Variants in WDR59 observed in about 807,000 individuals in gnomAD.
WDR59 encodes WD repeat domain 59, also known as GATOR2 complex protein WDR59.
In WDR59, 100 loss-of-function variants were observed where a neutral mutation model predicts 131.2. That is an observed-to-expected ratio of 0.76 (90% CI 0.65 to 0.90). The LOEUF (loss-of-function observed/expected upper bound fraction) is 0.90, where lower values mean the gene tolerates loss of function less well. Ranked by LOEUF, WDR59 falls within the 40% of genes least tolerant of loss-of-function variation. The pLI is 0.00. For missense variants in WDR59, 1,203 were observed against 1,262.2 expected (o/e 0.95, Z 0.71); for synonymous variants, 601 against 466.2 (o/e 1.29, Z -3.72).
At chr16:74,899,159 T>A (rs1346591647) in intron 18 of WDR59, among the ~76,000 whole-genome samples, 2 of 152,156 alleles carry the variant, frequency 1.3e-5, no homozygotes, top group Non-Finnish European at 2.9e-5. Flanking sequence ...GAGGTTTTAC[T>A]GTCTACACAA....
At chr16:74,947,623 T>C (rs192243959) in intron 6 of WDR59, among the ~76,000 whole-genome samples, 151 of 152,300 alleles carry the variant, frequency 9.9e-4, no homozygotes, top group African/African-American at 3.5e-3. Context: ...GAGAGACTAT[T>C]GGGGAAATCT....
chr16:74,924,109 A>G, intron 8 of WDR59, 106 bp from the exon 9 acceptor site: 1 of 1,066,418 alleles, frequency 9.4e-7, no homozygotes, highest in Non-Finnish European at 1.4e-6. Flanking sequence ...CTAAAGATAC[A>G]CTTCAACAAC....
intron 8 of WDR59, among the ~76,000 whole-genome samples, chr16:74,929,545 A>T (rs763036609): frequency 6.6e-6 from 1 of 152,238 alleles, no homozygotes; most frequent in Admixed American, 6.5e-5. Flanking sequence ...GCTGGCAAGG[A>T]TGTGGAGAAA....
intron 1 of WDR59, among the ~76,000 whole-genome samples, chr16:74,969,255 AATAT>A (rs914108480): frequency 6.6e-6 from 1 of 151,894 alleles, no homozygotes; most frequent in East Asian, 1.9e-4. Context: ...GCTACTTATA[AATAT>A]ATATATATTA....
chr16:74,907,322 T>G (rs1050160083), intron 17 of WDR59, among the ~76,000 whole-genome samples: 2 of 152,178 alleles, frequency 1.3e-5, no homozygotes, highest in African/African-American at 4.8e-5. Flanking sequence ...AATCCCCACA[T>G]GTCAAGGGAG....
chr16:74,932,017 G>T lies in WDR59; in HGVS notation c.651+6133C>A, dbSNP rs902963907. On this transcript the variant is annotated intron_variant, in intron 8 of 25. Coordinates refer to ENST00000262144, the MANE Select transcript of WDR59 (RefSeq NM_030581.4). ...ATAATTTCAAAATCTTTAAGACCTT[G>T]AACTAATATTAATGAATAACCTTTG... Among the ~76,000 whole-genome samples, 10 of 151,290 alleles carry T rather than the reference G, an allele frequency of 6.6e-5. No individual in the cohort carries two copies. In the East Asian group the frequency reaches 1.9e-3, roughly 29 times the overall value.
intron 18 of WDR59, 78 bp downstream of exon 18, chr16:74,903,869 T>C: frequency 6.7e-7 from 1 of 1,499,600 alleles, no homozygotes; most frequent in Admixed American, 2.2e-5. Context: ...CTAATCTAGC[T>C]GCTGCGCCAG....
chr16:74,891,775 T>C (rs886814326), intron 20 of WDR59, among the ~76,000 whole-genome samples: 1 of 152,146 alleles, frequency 6.6e-6, no homozygotes, highest in African/African-American at 2.4e-5. Flanking sequence ...AGTACAAAAA[T>C]TAGCCGGGTT....
chr16:74,981,274 G>A (rs1446847512), intron 1 of WDR59, among the ~76,000 whole-genome samples: 2 of 151,364 alleles, frequency 1.3e-5, no homozygotes, highest in Non-Finnish European at 2.9e-5. Context: ...TACTTGGGAG[G>A]TTGAGGCAGG....
intron 6 of WDR59, among the ~76,000 whole-genome samples, chr16:74,944,822 A>T (rs2032493448): frequency 6.6e-6 from 1 of 152,160 alleles, no homozygotes; most frequent in Non-Finnish European, 1.5e-5. Flanking sequence ...AAGCAATGAG[A>T]ACAGGCAGGC....
intron 7 of WDR59, 87 bp from the exon 8 acceptor site, chr16:74,938,353 G>T (rs540540875): frequency 6.4e-6 from 6 of 936,936 alleles, no homozygotes; most frequent in Middle Eastern, 2.4e-4. Context: ...TAGTGAGTGA[G>T]GATGCAAAAA....
Position 74,945,392 on chromosome 16 carries a change from G to A in WDR59, c.446-2566C>T, listed in dbSNP as rs564427472. 1.9e-4 allele frequency among the ~76,000 whole-genome samples: 29 copies of A among 152,066 alleles called. No homozygotes were observed. The East Asian group carries it at 4.1e-3, about 21-fold the overall frequency. On this transcript the variant is annotated intron_variant, in intron 6 of 25. Transcript: ENST00000262144. ...CTCGGGAGGCTGAGGCAGGAGAATG[G>A]CGAGAACCTGGGAGGCAGAGCTTGC...
intron 1 of WDR59, among the ~76,000 whole-genome samples, chr16:74,978,546 C>T (rs1368298170): frequency 6.6e-6 from 1 of 152,130 alleles, no homozygotes; most frequent in Non-Finnish European, 1.5e-5. Context: ...AAAGGCTACA[C>T]ATCATATCAC....
chr16:74,883,660 C>T (rs1184403234), intron 25 of WDR59, among the ~76,000 whole-genome samples: 2 of 152,272 alleles, frequency 1.3e-5, no homozygotes, highest in Non-Finnish European at 2.9e-5. Context: ...TTTTCCTCAA[C>T]ACTCATTAGG....
chr16:74,980,273 T>G (rs923049692), intron 1 of WDR59, among the ~76,000 whole-genome samples: 2 of 152,082 alleles, frequency 1.3e-5, no homozygotes, highest in African/African-American at 4.8e-5. Context: ...AAAGCATTGT[T>G]TCATAAAATA....
intron 18 of WDR59, chr16:74,899,735 C>A: frequency 7.8e-7 from 1 of 1,289,090 alleles, no homozygotes; most frequent in Non-Finnish European, 1.0e-6. Flanking sequence ...CCAACGCCGC[C>A]GGGCAGAGCG....
intron 13 of WDR59, 145 bp downstream of exon 13, chr16:74,915,725 G>C: frequency 7.8e-7 from 1 of 1,288,802 alleles, no homozygotes; most frequent in South Asian, 1.4e-5. Context: ...CGCCTGGCCA[G>C]AAAACCCAGG....
At chr16:74,980,824 A>G (rs1324669167) in intron 1 of WDR59, among the ~76,000 whole-genome samples, 2 of 151,600 alleles carry the variant, frequency 1.3e-5, no homozygotes, top group African/African-American at 4.8e-5. Context: ...TACAAAAATT[A>G]GCCCGGTGTG....
At chr16:74,885,367 A>T (rs112727019) in intron 25 of WDR59, among the ~76,000 whole-genome samples, 2,248 of 142,754 alleles carry the variant, frequency 0.016, 42 homozygotes, top group African/African-American at 0.051. Flanking sequence ...AGGAGAAGTT[A>T]GAACCCAGAA....
Sources: gnomAD v4.1 joint callset for allele counts (sites outside exome capture counted in the v4.1 genomes callset) on GRCh38, gnomAD v4.1.1 for gene constraint, MANE v1.5 for transcripts, NCBI Gene and HGNC (gene_info 2026-07-23, HGNC 2026-07-21) for gene names.